Variants in CNKSR2 observed in about 807,000 individuals in gnomAD.
CNKSR2 encodes CNK homolog protein 2.
Under a neutral mutation model 84.4 loss-of-function variants are expected in CNKSR2, and 14 were observed. The observed-to-expected ratio is 0.17, with a 90% CI of 0.11 to 0.26. The LOEUF (loss-of-function observed/expected upper bound fraction) is 0.26. Among genes scored for constraint, CNKSR2 ranks in the 10% least tolerant of loss-of-function variants. The pLI is 1.00. For missense variants in CNKSR2, 485 were observed against 771.2 expected (o/e 0.63, Z 4.40); for synonymous variants, 275 against 277.9 (o/e 0.99, Z 0.10).
chrX:21,606,050 C>T (rs1488609560), intron 18 of CNKSR2, among the ~76,000 whole-genome samples: 1 of 112,192 alleles, frequency 8.9e-6, no homozygotes, highest in African/African-American at 3.2e-5. Context: ...TTGAACTTCT[C>T]TCTCAGAGTT....
intron 1 of CNKSR2, among the ~76,000 whole-genome samples, chrX:21,393,678 G>T (rs756216588): frequency 5.3e-5 from 6 of 112,548 alleles, no homozygotes; most frequent in Admixed American, 9.4e-5. Context: ...ATGAAATGCA[G>T]ATGGTGAGAA....
Position 21,452,443 on chromosome X carries a change from T to C in CNKSR2, c.519+11662T>C, listed in dbSNP as rs753640139. 6.3e-5 allele frequency among the ~76,000 whole-genome samples: 7 copies of C among 111,946 alleles called. No individual in the cohort carries two copies. The East Asian group carries it at 2.0e-3, about 31-fold the overall frequency. On this transcript the variant is annotated intron_variant, in intron 4 of 21. Coordinates refer to ENST00000379510, the MANE Select transcript of CNKSR2 (RefSeq NM_014927.5). ...GATAACCTTGACATTTTTACTTCAG[T>C]CTTGAAATTTTGATTTTTTTGGTTT...
At position 21,558,824 on chromosome X, in the gene CNKSR2, T is replaced by C. The variant is rs1168850540; in HGVS notation, c.1304-2647T>C. 7.2e-5 allele frequency among the ~76,000 whole-genome samples: 8 copies of C among 111,588 alleles called. No individual in the cohort carries two copies. In the Admixed American group the frequency reaches 7.7e-4, roughly 11 times the overall value. On this transcript the variant is annotated intron_variant, in intron 11 of 21. Transcript: ENST00000379510. ...AAAATATCTAACTAGCTTTTTAATATATATAACATATAGAGCAAGTGAAAC... is the reference window on the plus strand; with the variant it reads ...AAAATATCTAACTAGCTTTTTAATACATATAACATATAGAGCAAGTGAAAC...
chrX:21,480,794 T>A (rs1601843694), intron 5 of CNKSR2, among the ~76,000 whole-genome samples: 1 of 112,282 alleles, frequency 8.9e-6, no homozygotes, highest in African/African-American at 3.2e-5. Flanking sequence ...CTCACTGTTT[T>A]GGCATTGACC....
Position 21,641,508 on chromosome X carries a change from T to C in CNKSR2, c.2693-7323T>C, listed in dbSNP as rs2092691438. ...TGGCACTCGCAGGTCTTTCATCATA[T>C]TGTATCACTGCTTTATCATATTAGG... On this transcript the variant is annotated intron_variant, in intron 20 of 21. Coordinates refer to ENST00000379510, the MANE Select transcript of CNKSR2 (RefSeq NM_014927.5). 3 of 1,170,889 alleles carry C rather than the reference T, an allele frequency of 2.6e-6. No homozygotes were observed. The African/African-American group carries it at 5.3e-5, about 21-fold the overall frequency.
At chrX:21,388,658 A>T (rs1380182379) in intron 1 of CNKSR2, among the ~76,000 whole-genome samples, 1 of 112,022 alleles carries the variant, frequency 8.9e-6, no homozygotes, top group Non-Finnish European at 1.9e-5. Context: ...TCATGGATCC[A>T]TCCTGATAGA....
At chrX:21,526,803 T>C in intron 9 of CNKSR2, 64 bp from the exon 10 acceptor site, 1 of 830,414 alleles carries the variant, frequency 1.2e-6, no homozygotes, top group Non-Finnish European at 1.8e-6. Flanking sequence ...TTGTTGTTGT[T>C]GTTGTTGTTG....
chrX:21,485,540 G>A lies in CNKSR2; in HGVS notation c.562-4919G>A, dbSNP rs553046700. ...TTGCATTTCAGCCTGAGAATATGAT[G>A]TATTATATTCATATTTGAAATTAAT... On this transcript the variant is annotated intron_variant, in intron 5 of 21. Transcript: ENST00000379510. Among the ~76,000 whole-genome samples the A allele has an allele frequency of 4.3e-4, 48 of 110,477 alleles. No individual in the cohort carries two copies. In the South Asian group the frequency reaches 0.017, roughly 40 times the overall value.
chrX:21,442,920 A>G (rs1012055716), intron 4 of CNKSR2, among the ~76,000 whole-genome samples: 3 of 110,983 alleles, frequency 2.7e-5, no homozygotes, highest in Non-Finnish European at 3.8e-5. Flanking sequence ...CAAATACCAT[A>G]TCTTCTCACT....
intron 11 of CNKSR2, among the ~76,000 whole-genome samples, chrX:21,547,579 C>G (rs2092039914): frequency 9.0e-6 from 1 of 111,495 alleles, no homozygotes. Flanking sequence ...CCAAGCAGAC[C>G]TAATAGACAT....
At chrX:21,391,296 C>G (rs902621692) in intron 1 of CNKSR2, among the ~76,000 whole-genome samples, 1 of 112,725 alleles carries the variant, frequency 8.9e-6, no homozygotes, top group Admixed American at 9.3e-5. Flanking sequence ...CCACATTGCC[C>G]TAGTAGAGGT....
intron 2 of CNKSR2, chrX:21,426,969 G>A: frequency 3.9e-6 from 1 of 256,922 alleles, no homozygotes; most frequent in Non-Finnish European, 6.7e-6. Context: ...CTCTCACACT[G>A]CCAGTTGAGA....
chrX:21,576,077 G>A (rs780376179), intron 13 of CNKSR2, among the ~76,000 whole-genome samples: 2 of 112,092 alleles, frequency 1.8e-5, no homozygotes, highest in South Asian at 7.4e-4. Context: ...CTGAATGACT[G>A]TCCACCAGCA....
chrX:21,388,460 A>G (rs2090002669), intron 1 of CNKSR2, among the ~76,000 whole-genome samples: 1 of 111,841 alleles, frequency 8.9e-6, no homozygotes, highest in Non-Finnish European at 1.9e-5. Flanking sequence ...GATAGGGAAT[A>G]TGCGAGAAGA....
chrX:21,479,740 C>T (rs2091296918), intron 5 of CNKSR2, among the ~76,000 whole-genome samples: 1 of 110,571 alleles, frequency 9.0e-6, no homozygotes, highest in Admixed American at 9.7e-5. Context: ...TAGATCAGAG[C>T]TTATCCACAG....
chrX:21,506,651 G>T (rs2091615493), intron 8 of CNKSR2: 1 of 111,285 alleles, frequency 9.0e-6, no homozygotes, highest in Admixed American at 9.6e-5. Flanking sequence ...CTCAATAATA[G>T]TTACTTCCTG....
At chrX:21,375,724 G>A (rs953669410) in intron 1 of CNKSR2, among the ~76,000 whole-genome samples, 1 of 112,234 alleles carries the variant, frequency 8.9e-6, no homozygotes, top group East Asian at 2.8e-4. Flanking sequence ...AAGGTGATGC[G>A]CATTCAGGTA....
In CNKSR2 at chrX:21,653,842, A is replaced by G. The variant is rs756589106; in HGVS notation, c.*1321A>G. The G allele has an allele frequency of 4.5e-5, 5 of 111,341 alleles. No individual in the cohort carries two copies. Among genetic ancestry groups the G allele is most frequent in the Non-Finnish European group, 9.4e-5 (5 of 53,070 alleles). 9.2% of individuals were successfully genotyped at this position (111,341 alleles called of 1,213,427 possible). ...ACAATTTGCTGTTTTTTTCAGGAGG[A>G]GAAAGGGAACCTCCTTTACTATTCT... On this transcript the variant is annotated 3_prime_UTR_variant, in exon 22 of 22. Coordinates refer to ENST00000379510, the MANE Select transcript of CNKSR2 (RefSeq NM_014927.5).
chrX:21,483,222 A>C (rs967793669), intron 5 of CNKSR2, among the ~76,000 whole-genome samples: 7 of 111,462 alleles, frequency 6.3e-5, no homozygotes, highest in African/African-American at 2.0e-4. Flanking sequence ...TACACTATGG[A>C]ATACTATGCA....
Sources: gnomAD v4.1 joint callset for allele counts (sites outside exome capture counted in the v4.1 genomes callset) on GRCh38, gnomAD v4.1.1 for gene constraint, MANE v1.5 for transcripts, NCBI Gene and HGNC (gene_info 2026-07-23, HGNC 2026-07-21) for gene names.